The following DNAJC19 variants were observed in gnomAD, a reference collection of about 807,000 sequenced individuals.
The protein encoded by DNAJC19 is DnaJ heat shock protein family (Hsp40) member C19.
DNAJC19 carries 15 observed loss-of-function variants against 19.8 expected under a neutral mutation model. The observed-to-expected ratio is 0.76, with a 90% CI of 0.51 to 1.17. The LOEUF is 1.17. Among genes scored for constraint, DNAJC19 ranks in the 50% most tolerant of loss-of-function variants. DNAJC19 has a pLI of 0.00. For missense variants in DNAJC19, 105 were observed against 140.9 expected, an observed-to-expected ratio of 0.75 and a Z score of 1.29; for synonymous variants, 38 against 42.1, an observed-to-expected ratio of 0.90 and a Z score of 0.38.
chr3:180,989,263 G>A lies in DNAJC19; in HGVS notation c.3+337C>T, dbSNP rs946467873. 1.7e-5 allele frequency: 21 copies of A among 1,267,176 alleles called. No homozygotes were observed. The Admixed American group carries it at 7.2e-4, about 43-fold the overall frequency. The allele number at this position is 1,267,176 out of a possible 1,614,324, so 78.5% of individuals were successfully genotyped here. On this transcript the variant is annotated intron_variant, in intron 1 of 5. Coordinates refer to ENST00000382564, the MANE Select transcript of DNAJC19 (RefSeq NM_145261.4). The stretch of plus-strand genomic sequence containing the variant: ...AAAGTGGAGCTAGTGCTGTGAAGAT[G>A]TGTTAGGGCAAGGGCACTTATAATC...
At chr3:180,984,795 C>A in intron 5 of DNAJC19, 85 bp from the exon 6 acceptor site, 1 of 923,300 alleles carries the variant, frequency 1.1e-6, no homozygotes, top group Non-Finnish European at 1.7e-6. Flanking sequence ...TCAAGGACTC[C>A]AATGCTTATC....
chr3:180,988,356 T>TA, intron 1 of DNAJC19, 127 bp from the exon 2 acceptor site: 3 of 769,890 alleles, frequency 3.9e-6, no homozygotes, highest in Non-Finnish European at 5.7e-6. Flanking sequence ...TTTTTTTCTT[T>TA]TTTTTTTTTT....
At position 180,984,225 on chromosome 3, in the gene DNAJC19, G is replaced by C. The variant is rs763157750; in HGVS notation, c.*415C>G. The C allele has an allele frequency of 2.2e-6, 1 of 454,038 alleles. No individual in the cohort carries two copies. Among genetic ancestry groups the C allele is most frequent in the Non-Finnish European group, 4.4e-6 (1 of 226,798 alleles). 28.1% of individuals were successfully genotyped at this position (454,038 alleles called of 1,614,324 possible). Reference sequence around the variant, plus strand: ...CTGTACCTGGAACAGCCTTTCCACCGAATAAGAAGAGTCCCTACTTAAACA... The same window carrying C: ...CTGTACCTGGAACAGCCTTTCCACCCAATAAGAAGAGTCCCTACTTAAACA... On this transcript the variant is annotated 3_prime_UTR_variant, in exon 6 of 6. Coordinates refer to ENST00000382564, the MANE Select transcript of DNAJC19 (RefSeq NM_145261.4).
chr3:180,987,928 T>C, intron 3 of DNAJC19, 95 bp downstream of exon 3: 1 of 1,447,712 alleles, frequency 6.9e-7, no homozygotes, highest in African/African-American at 1.4e-5. Flanking sequence ...TCCAAAGCAA[T>C]CACTTAGAAC....
rs938898464 is a variant in DNAJC19 at position 180,983,938 on chromosome 3, C to T, written c.*702G>A. 1 of 454,044 alleles carries T rather than the reference C, an allele frequency of 2.2e-6. No homozygotes were observed. The highest frequency in any genetic ancestry group is 4.4e-6 in the Non-Finnish European group (1 of 226,758). 28.1% of individuals were successfully genotyped at this position (454,044 alleles called of 1,614,324 possible). A position where few individuals can be genotyped will look rare whatever the true frequency, so the allele number is the denominator to read the frequency against. ...CTGAATACAATGTAAATACTCATGCCTGTAATCCCAGTACTTTGGGAGGCT... is the reference window on the plus strand; with the variant it reads ...CTGAATACAATGTAAATACTCATGCTTGTAATCCCAGTACTTTGGGAGGCT... On this transcript the variant is annotated 3_prime_UTR_variant, in exon 6 of 6. Transcript: ENST00000382564.
chr3:180,989,535 A>C, intron 1 of DNAJC19, 65 bp downstream of exon 1: 2 of 1,556,894 alleles, frequency 1.3e-6, no homozygotes, highest in East Asian at 4.8e-5. Flanking sequence ...CACACCTCCG[A>C]GGCGGGGAGC....
In DNAJC19 at chr3:180,985,923, T is replaced by TA. The variant is rs756616792; in HGVS notation, c.280+2dup. The TA allele has an allele frequency of 3.5e-5, 56 of 1,612,618 alleles. No homozygotes were observed. In the East Asian group the frequency reaches 1.1e-3, roughly 33 times the overall value. ...CATCAACGAGAATTTAATGACTACT[T>TA]ACCTTTGTCAGGATGATTTAAAAGC... On this transcript the variant is annotated splice_region_variant and intron_variant, in intron 5 of 5. Transcript: ENST00000382564.
At position 180,987,020 on chromosome 3, in the gene DNAJC19, G is replaced by A; in HGVS notation, c.132C>T (p.Ala44=). 6.2e-7 allele frequency: 1 copy of A among 1,613,544 alleles called. No homozygotes were observed. Among genetic ancestry groups the A allele is most frequent in the Non-Finnish European group, 8.5e-7 (1 of 1,179,648 alleles). Residue 44 remains alanine, a splice_region_variant and synonymous_variant, in exon 4 of 6, where the codon GCC becomes GCT. Transcript: ENST00000382564. The part of the protein sequence containing the change: ...KQVFQSLPKS[A]FSGGYYRGGF... ...CACCTCTATAATAGCCACCACTGAA[G>A]GCCTGAAAGAAGAAATGCATTTGTA... is the stretch of plus-strand genomic sequence containing the variant.
chr3:180,985,692 G>T (rs1390228027), intron 5 of DNAJC19: 2 of 482,526 alleles, frequency 4.1e-6, no homozygotes, highest in Non-Finnish European at 7.4e-6. Context: ...ATAAATGTAG[G>T]CCAGAAAAAC....
chr3:180,985,701 A>AC, intron 5 of DNAJC19: 1 of 499,738 alleles, frequency 2.0e-6, no homozygotes, highest in Admixed American at 3.4e-5. Context: ...GGCCAGAAAA[A>AC]CCCACAAAAC....
At chr3:180,987,145 T>C in intron 3 of DNAJC19, 123 bp from the exon 4 acceptor site, 3 of 818,502 alleles carry the variant, frequency 3.7e-6, no homozygotes, top group Non-Finnish European at 6.2e-6. Context: ...TTAGTGCAAT[T>C]CCCGAGGTAT....
chr3:180,985,971 T>G lies in DNAJC19; in HGVS notation c.235A>C (p.Arg79=), dbSNP rs1560039202. The G allele has an allele frequency of 1.4e-5, 22 of 1,613,448 alleles. No individual in the cohort carries two copies. The highest frequency in any genetic ancestry group is 1.7e-5 in the Non-Finnish European group (20 of 1,179,742). Residue 79 remains arginine (R), a synonymous_variant, in exon 5 of 6, where the codon AGA becomes CGA. Coordinates refer to ENST00000382564, the MANE Select transcript of DNAJC19 (RefSeq NM_145261.4). ...AGCATAATTCGTCGATGAGCATCTC[T>G]TATTTTCCCTTTATTGGCAGTAGGG... ...VSPTANKGKI[R]DAHRRIMLLN... is the part of the protein sequence containing the mutation.
At chr3:180,986,211 G>A (rs2108508189) in intron 4 of DNAJC19, among the ~76,000 whole-genome samples, 1 of 151,878 alleles carries the variant, frequency 6.6e-6, no homozygotes, top group East Asian at 1.9e-4. Context: ...TGAACTTGCA[G>A]TACCCATTAC....
intron 3 of DNAJC19, 34 bp downstream of exon 3, chr3:180,987,988 CA>C: frequency 3.1e-6 from 5 of 1,612,384 alleles, no homozygotes; most frequent in Non-Finnish European, 4.2e-6. Context: ...CTCTAGGTTT[CA>C]AATAGAAGCA....
intron 5 of DNAJC19, chr3:180,985,358 C>T (rs1714848120): frequency 6.5e-6 from 1 of 154,230 alleles, no homozygotes; most frequent in Admixed American, 6.4e-5. Flanking sequence ...ATAAAACAAG[C>T]TAAATTTCAT....
Position 180,989,698 on chromosome 3 carries a change from G to A in DNAJC19, c.-96C>T, listed in dbSNP as rs1039601154. On this transcript the variant is annotated 5_prime_UTR_variant, in exon 1 of 6. Transcript: ENST00000382564. Reference sequence around the variant, plus strand: ...CTGCACGCCTTTACCAGAGAGCGACGCAACCCCCAACCTCAAGCACAGGCG... The same window carrying A: ...CTGCACGCCTTTACCAGAGAGCGACACAACCCCCAACCTCAAGCACAGGCG... The A allele has an allele frequency of 3.9e-6, 6 of 1,543,874 alleles. No individual in the cohort carries two copies. The highest frequency in any genetic ancestry group is 4.4e-6 in the Non-Finnish European group (5 of 1,143,968).
chr3:180,988,315 C>A, intron 1 of DNAJC19, 86 bp from the exon 2 acceptor site: 55 of 1,256,234 alleles, frequency 4.4e-5, no homozygotes, highest in Non-Finnish European at 5.8e-5. Flanking sequence ...CAACTCATTA[C>A]AAACTGCATT....
At chr3:180,989,779 G>A, upstream of DNAJC19, 1 of 1,058,412 alleles carries the variant, frequency 9.4e-7, no homozygotes, top group Non-Finnish European at 1.4e-6. Context: ...TGTCGTAAAA[G>A]GGGACGCGGA....
chr3:180,986,881 T>C, intron 4 of DNAJC19, 62 bp downstream of exon 4: 2 of 1,415,910 alleles, frequency 1.4e-6, no homozygotes, highest in Non-Finnish European at 2.0e-6. Flanking sequence ...AAGGTCTTTC[T>C]TATATTTCCT....
Sources: allele counts gnomAD v4.1 joint callset (sites outside exome capture counted in the v4.1 genomes callset), GRCh38; gene constraint gnomAD v4.1.1; transcripts MANE v1.5; gene names NCBI Gene and HGNC (gene_info 2026-07-23, HGNC 2026-07-21).